Variants in CTNNA3 observed in about 807,000 individuals in gnomAD.
CTNNA3 encodes the protein catenin alpha-3.
CTNNA3 carries 76 observed loss-of-function variants against 95.7 expected under a neutral mutation model. The observed-to-expected ratio is 0.79, with a 90% CI of 0.66 to 0.96. CTNNA3 has a LOEUF of 0.96. Among genes scored for constraint, CTNNA3 ranks in the 40% least tolerant of loss-of-function variants. The pLI is 0.00. For synonymous variants in CTNNA3, 431 were observed against 374.4 expected, an observed-to-expected ratio of 1.15 and a Z score of -1.74; for missense variants, 1,191 against 1,089.8, an observed-to-expected ratio of 1.09 and a Z score of -1.31.
chr10:67,134,823 T>C (rs1860214482), intron 7 of CTNNA3, among the ~76,000 whole-genome samples: 1 of 152,056 alleles, frequency 6.6e-6, no homozygotes, highest in Non-Finnish European at 1.5e-5. Flanking sequence ...ATATGGGATA[T>C]CCAGAAGTTA....
intron 15 of CTNNA3, among the ~76,000 whole-genome samples, chr10:66,000,589 CCT>C (rs1491152594): frequency 1.3e-5 from 2 of 152,108 alleles, no homozygotes; most frequent in South Asian, 4.1e-4. Context: ...CCTCCTTAAT[CCT>C]TTTTTTCTTT....
At chr10:66,166,383 A>G (rs561537290) in intron 13 of CTNNA3, among the ~76,000 whole-genome samples, 1 of 151,858 alleles carries the variant, frequency 6.6e-6, no homozygotes, top group African/African-American at 2.4e-5. Context: ...AATCCCAGCT[A>G]CCTGGGAGGC....
chr10:66,450,057 T>C (rs1281603452), intron 11 of CTNNA3, among the ~76,000 whole-genome samples: 1 of 152,062 alleles, frequency 6.6e-6, no homozygotes, highest in East Asian at 1.9e-4. Flanking sequence ...TAACTGACCT[T>C]CAAAAAGTGA....
At chr10:67,473,191 G>A (rs1472363467) in intron 5 of CTNNA3, among the ~76,000 whole-genome samples, 2 of 152,164 alleles carry the variant, frequency 1.3e-5, no homozygotes, top group Non-Finnish European at 2.9e-5. Context: ...ATCTGGCTAA[G>A]ATCATCCTTT....
intron 12 of CTNNA3, among the ~76,000 whole-genome samples, chr10:66,320,695 T>C (rs2092170742): frequency 6.6e-6 from 1 of 152,128 alleles, no homozygotes. Context: ...ATATATAATA[T>C]TCCATATCTT....
chr10:66,945,878 C>A, intron 7 of CTNNA3, among the ~76,000 whole-genome samples: 1 of 152,102 alleles, frequency 6.6e-6, no homozygotes, highest in Non-Finnish European at 1.5e-5. Flanking sequence ...GTCAGTGAAG[C>A]GGTCAGGACA....
intron 5 of CTNNA3, among the ~76,000 whole-genome samples, chr10:67,361,745 C>T (rs1306478990): frequency 6.6e-6 from 1 of 151,796 alleles, no homozygotes; most frequent in Non-Finnish European, 1.5e-5. Flanking sequence ...TAATTCAAAG[C>T]TAACAGAAAA....
At chr10:66,342,007 T>C (rs540989446) in intron 12 of CTNNA3, among the ~76,000 whole-genome samples, 10 of 151,944 alleles carry the variant, frequency 6.6e-5, no homozygotes, top group African/African-American at 2.2e-4. Context: ...TGAAAAATTA[T>C]TTTACAGATA....
At chr10:66,961,249 G>A (rs1416247116) in intron 7 of CTNNA3, among the ~76,000 whole-genome samples, 1 of 152,018 alleles carries the variant, frequency 6.6e-6, no homozygotes, top group African/African-American at 2.4e-5. Context: ...CTGATCTCCA[G>A]TTCATCTCAT....
intron 11 of CTNNA3, among the ~76,000 whole-genome samples, chr10:66,437,156 AT>A (rs562061758): frequency 1.2e-4 from 18 of 151,980 alleles, no homozygotes; most frequent in Non-Finnish European, 1.8e-4. Context: ...GAATCTGACA[AT>A]TATGTGTCTT....
intron 11 of CTNNA3, among the ~76,000 whole-genome samples, chr10:66,472,844 C>T (rs1173269754): frequency 6.6e-6 from 1 of 151,858 alleles, no homozygotes. Flanking sequence ...GTGGTAGTAA[C>T]TCATGTAATT....
At chr10:66,803,319 T>C (rs1049397755) in intron 7 of CTNNA3, among the ~76,000 whole-genome samples, 2 of 152,030 alleles carry the variant, frequency 1.3e-5, no homozygotes, top group African/African-American at 4.8e-5. Context: ...ACATGAATTC[T>C]GTTTGCTTGG....
At chr10:67,163,468 T>C (rs1285209618) in intron 7 of CTNNA3, among the ~76,000 whole-genome samples, 2 of 152,030 alleles carry the variant, frequency 1.3e-5, no homozygotes. Flanking sequence ...AGAACTTCTA[T>C]ATCTTGATTT....
At chr10:66,950,451 C>A (rs921605185) in intron 7 of CTNNA3, among the ~76,000 whole-genome samples, 1 of 151,998 alleles carries the variant, frequency 6.6e-6, no homozygotes, top group Admixed American at 6.6e-5. Context: ...TATGTGAATA[C>A]ATGAATGTCA....
At chr10:66,071,340 T>C (rs796639646) in intron 14 of CTNNA3, among the ~76,000 whole-genome samples, 8 of 29,626 alleles carry the variant, frequency 2.7e-4, no homozygotes, top group African/African-American at 8.0e-4. Context: ...TGAATAAGAT[T>C]ATATTGTGTA....
intron 2 of CTNNA3, among the ~76,000 whole-genome samples, chr10:67,619,618 A>G (rs1456648482): frequency 1.3e-5 from 2 of 152,240 alleles, no homozygotes; most frequent in Admixed American, 6.5e-5. Flanking sequence ...GATAAAGAAG[A>G]TCTGGTCAGA....
At chr10:67,396,506 C>T (rs78586807) in intron 5 of CTNNA3, among the ~76,000 whole-genome samples, 6,586 of 152,036 alleles carry the variant, frequency 0.043, 449 homozygotes, top group African/African-American at 0.15. Flanking sequence ...GTGTCAAACC[C>T]CACACAGATT....
At chr10:66,709,831 G>C (rs1848234594) in intron 9 of CTNNA3, among the ~76,000 whole-genome samples, 1 of 152,050 alleles carries the variant, frequency 6.6e-6, no homozygotes, top group South Asian at 2.1e-4. Context: ...AAACATGGCT[G>C]ATTATGAGCC....
chr10:66,425,928 G>T (rs12778111), intron 11 of CTNNA3, among the ~76,000 whole-genome samples: 40,146 of 151,802 alleles, frequency 0.26, 5,444 homozygotes, highest in South Asian at 0.39. Flanking sequence ...ATGACCACAT[G>T]CTGACTTCTA....
Sources: gnomAD v4.1 joint callset for allele counts (sites outside exome capture counted in the v4.1 genomes callset) on GRCh38, gnomAD v4.1.1 for gene constraint, MANE v1.5 for transcripts, NCBI Gene and HGNC (gene_info 2026-07-23, HGNC 2026-07-21) for gene names.